CRIPT: variants seen among roughly 807,000 people sequenced by gnomAD.
CRIPT encodes the protein cysteine-rich PDZ-binding protein.
In CRIPT, 20 loss-of-function variants were observed where a neutral mutation model predicts 16.6. That is an observed-to-expected ratio of 1.20 (90% CI 0.85 to 1.75). The LOEUF (loss-of-function observed/expected upper bound fraction) is 1.75. CRIPT is among the 40% of genes most tolerant of loss of function. CRIPT has a pLI of 0.00. For missense variants in CRIPT, 133 were observed against 115.3 expected (o/e 1.15, Z -0.70); for synonymous variants, 42 against 37.0 (o/e 1.14, Z -0.49).
Position 46,624,285 on chromosome 2 carries a change from A to G in CRIPT, c.*58A>G. 8.7e-7 allele frequency: 1 copy of G among 1,154,452 alleles called. No individual in the cohort carries two copies. The highest frequency in any genetic ancestry group is 1.2e-6 in the Non-Finnish European group (1 of 811,112). The allele number at this position is 1,154,452 out of a possible 1,614,324, so 71.5% of individuals were successfully genotyped here. On this transcript the variant is annotated 3_prime_UTR_variant, in exon 5 of 5. Transcript: ENST00000238892. ...ATTTTACTTTCTGCCTTGAATTTTC[A>G]AGGCATAGATGTCAACTTACAGAAT... is the stretch of plus-strand genomic sequence containing the variant.
At position 46,626,755 on chromosome 2, in the gene CRIPT, A is replaced by C. The variant is rs1240436481; in HGVS notation, c.*2528A>C. 1.3e-5 allele frequency among the ~76,000 whole-genome samples: 2 copies of C among 151,704 alleles called. No individual in the cohort carries two copies. The highest frequency in any genetic ancestry group is 2.4e-5 in the African/African-American group (1 of 41,242). The stretch of plus-strand genomic sequence containing the variant: ...TTTTTCATGTTTGTTAACCGCTTGT[A>C]TGTTGTCTTTTGAGAAGTGTCTGTT... On this transcript the variant is annotated 3_prime_UTR_variant, in exon 5 of 5. Transcript: ENST00000238892.
At chr2:46,617,420 C>T (rs1429981458) in intron 1 of CRIPT, 122 bp downstream of exon 1, 2 of 1,115,696 alleles carry the variant, frequency 1.8e-6, no homozygotes, top group Non-Finnish European at 2.6e-6. Context: ...TATCCGCTGT[C>T]TTTCTACCCT....
intron 1 of CRIPT, 94 bp from the exon 2 acceptor site, chr2:46,618,679 T>C (rs1271153311): frequency 1.8e-5 from 13 of 724,482 alleles, no homozygotes; most frequent in Admixed American, 7.8e-5. Flanking sequence ...GGTAATACCA[T>C]TGATAGTCGA....
In CRIPT at chr2:46,624,999, T is replaced by C. The variant is rs1670898274; in HGVS notation, c.*772T>C. On this transcript the variant is annotated 3_prime_UTR_variant, in exon 5 of 5. Transcript: ENST00000238892. ...AACCAAACTTTTTTTTTTTTTTTTT[T>C]ACCTCCTGTCTTGCCCCCTAAAAGA... is the stretch of plus-strand genomic sequence containing the variant. The C allele has an allele frequency of 6.6e-6, 1 of 150,968 alleles. No individual in the cohort carries two copies. Among genetic ancestry groups the C allele is most frequent in the South Asian group, 2.1e-4 (1 of 4,762 alleles). 9.4% of individuals were successfully genotyped at this position (150,968 alleles called of 1,614,324 possible). A position where few individuals can be genotyped will look rare whatever the true frequency, so the allele number is the denominator to read the frequency against.
intron 4 of CRIPT, 119 bp from the exon 5 acceptor site, chr2:46,624,039 ATATTT>A (rs1558719258): frequency 2.6e-5 from 10 of 382,522 alleles, no homozygotes; most frequent in Non-Finnish European, 2.6e-5. Flanking sequence ...ATATATATAT[ATATTT>A]TTTTTTTCTT....
chr2:46,626,852 G>A lies in CRIPT; in HGVS notation c.*2625G>A, dbSNP rs917413772. Among the ~76,000 whole-genome samples the A allele has an allele frequency of 2.6e-4, 40 of 151,898 alleles. No individual in the cohort carries two copies. Among genetic ancestry groups the A allele is most frequent in the Admixed American group, 1.1e-3 (17 of 15,250 alleles). On this transcript the variant is annotated 3_prime_UTR_variant, in exon 5 of 5. Coordinates refer to ENST00000238892, the MANE Select transcript of CRIPT (RefSeq NM_014171.6). ...ATTTTTGTTTTTGTTTTTGTTTTGA[G>A]ATGGAGTTTCACTGTTGTCACCCAG...
intron 3 of CRIPT, among the ~76,000 whole-genome samples, chr2:46,621,120 G>T (rs908315541): frequency 1.3e-4 from 20 of 152,298 alleles, no homozygotes; most frequent in Non-Finnish European, 2.5e-4. Flanking sequence ...GTTTCCCGCA[G>T]TTGTCTCATA....
At chr2:46,623,442 C>T (rs906754633) in intron 3 of CRIPT, among the ~76,000 whole-genome samples, 3 of 152,204 alleles carry the variant, frequency 2.0e-5, no homozygotes, top group Non-Finnish European at 2.9e-5. Flanking sequence ...GAATCAGTCA[C>T]TCTTTTTGCA....
intron 3 of CRIPT, among the ~76,000 whole-genome samples, chr2:46,620,986 A>C (rs2104169182): frequency 6.6e-6 from 1 of 152,120 alleles, no homozygotes; most frequent in East Asian, 1.9e-4. Flanking sequence ...TCTACCTCCA[A>C]AACGTAAAAT....
In CRIPT at chr2:46,623,759, T is replaced by G; in HGVS notation, c.138-5T>G. 6.4e-7 allele frequency: 1 copy of G among 1,569,200 alleles called. No individual in the cohort carries two copies. Among genetic ancestry groups the G allele is most frequent in the Non-Finnish European group, 8.7e-7 (1 of 1,147,220 alleles). ...CAATTTTCTCTCTTTAAAAAAAATT[T>G]CTAGATTTGATCCATATGGAAAGAA... On this transcript the variant is annotated splice_polypyrimidine_tract_variant and splice_region_variant and intron_variant, in intron 3 of 4. Coordinates refer to ENST00000238892, the MANE Select transcript of CRIPT (RefSeq NM_014171.6).
rs970915260 is a variant in CRIPT, at chr2:46,617,235, C to G, written c.-48C>G. 7.4e-7 allele frequency: 1 copy of G among 1,346,574 alleles called. No homozygotes were observed. The highest frequency in any genetic ancestry group is 1.4e-5 in the South Asian group (1 of 72,862). The allele number at this position is 1,346,574 out of a possible 1,614,324, so 83.4% of individuals were successfully genotyped here. ...AAGTTGTAGTGTTGTTGTTTTCAGC[C>G]TGCTGCTGCTGCTGCTGTTGCGGCT... On this transcript the variant is annotated 5_prime_UTR_variant, in exon 1 of 5. Coordinates refer to ENST00000238892, the MANE Select transcript of CRIPT (RefSeq NM_014171.6).
chr2:46,623,911 C>T (rs1189103158), intron 4 of CRIPT, 44 bp downstream of exon 4: 10 of 1,335,518 alleles, frequency 7.5e-6, no homozygotes, highest in Non-Finnish European at 9.5e-6. Context: ...AAACCGACTT[C>T]ATTTGCTGCT....
intron 3 of CRIPT, 137 bp downstream of exon 3, chr2:46,619,818 A>G: frequency 5.1e-6 from 3 of 591,402 alleles, no homozygotes; most frequent in Non-Finnish European, 9.0e-6. Context: ...GAACCAAGCT[A>G]TCTGTTATAA....
At position 46,628,112 on chromosome 2, in the gene CRIPT, CTTTT is replaced by C. The variant is rs778723366; in HGVS notation, c.*3897_*3900del. ...ATATGAATTTTAGAATGGATTTTTTCTTTTTTTTTTTTTTTGAGACGGAGTCTTG... is the reference window on the plus strand; with the variant it reads ...ATATGAATTTTAGAATGGATTTTTTCTTTTTTTTTTTGAGACGGAGTCTTG... On this transcript the variant is annotated 3_prime_UTR_variant, in exon 5 of 5. Transcript: ENST00000238892. Among the ~76,000 whole-genome samples, 4 of 137,358 alleles carry C rather than the reference CTTTT, an allele frequency of 2.9e-5. No individual in the cohort carries two copies. Among genetic ancestry groups the C allele is most frequent in the Non-Finnish European group, 3.1e-5 (2 of 63,566 alleles). 90.1% of individuals were successfully genotyped at this position (137,358 alleles called of 152,430 possible).
At position 46,627,059 on chromosome 2, in the gene CRIPT, C is replaced by T. The variant is rs551095039; in HGVS notation, c.*2832C>T. ...TGTTGGCCAGCCTGGTCTCGAATTC[C>T]TGACCTCAGGTGATCCACCCATCTC... On this transcript the variant is annotated 3_prime_UTR_variant, in exon 5 of 5. Coordinates refer to ENST00000238892, the MANE Select transcript of CRIPT (RefSeq NM_014171.6). Among the ~76,000 whole-genome samples, 1 of 152,346 alleles carries T rather than the reference C, an allele frequency of 6.6e-6. No homozygotes were observed. Among genetic ancestry groups the T allele is most frequent in the African/African-American group, 2.4e-5 (1 of 41,574 alleles).
intron 3 of CRIPT, among the ~76,000 whole-genome samples, chr2:46,623,125 A>G (rs60441767): frequency 3.9e-4 from 59 of 152,338 alleles, no homozygotes; most frequent in African/African-American, 1.4e-3. Flanking sequence ...GTAAGCAGTC[A>G]TTAAAAGATA....
At chr2:46,620,686 TTA>T (rs34432167) in intron 3 of CRIPT, among the ~76,000 whole-genome samples, 2,166 of 145,344 alleles carry the variant, frequency 0.015, 56 homozygotes, top group African/African-American at 0.052. Flanking sequence ...AAGCTATATG[TTA>T]TATATATATA....
At chr2:46,618,585 T>C (rs1307288686) in intron 1 of CRIPT, among the ~76,000 whole-genome samples, 188 bp from the exon 2 acceptor site, 1 of 152,242 alleles carries the variant, frequency 6.6e-6, no homozygotes, top group Admixed American at 6.5e-5. Flanking sequence ...CCTACGCATT[T>C]TACTGAGGGT....
At position 46,629,135 on chromosome 2, in the gene CRIPT, A is replaced by C. The variant is rs1418475423; in HGVS notation, c.*4908A>C. Among the ~76,000 whole-genome samples the C allele has an allele frequency of 6.6e-6, 1 of 152,248 alleles. No homozygotes were observed. The highest frequency in any genetic ancestry group is 2.4e-5 in the African/African-American group (1 of 41,478). On this transcript the variant is annotated 3_prime_UTR_variant, in exon 5 of 5. Coordinates refer to ENST00000238892, the MANE Select transcript of CRIPT (RefSeq NM_014171.6). ...GTTTTTGTATCCATGTGGAAAACAC[A>C]GGAAGCTAATAGTACTGTTTTTCTC...
Sources: gnomAD v4.1 joint callset for allele counts (sites outside exome capture counted in the v4.1 genomes callset) on GRCh38, gnomAD v4.1.1 for gene constraint, MANE v1.5 for transcripts, NCBI Gene and HGNC (gene_info 2026-07-23, HGNC 2026-07-21) for gene names.